Variants in LUZP2 observed in about 807,000 individuals in gnomAD.
LUZP2 encodes the protein leucine zipper protein 2.
A neutral mutation model predicts 51.6 loss-of-function variants in LUZP2; 52 were observed. The ratio of observed to expected loss-of-function variants is 1.01; its 90% CI spans 0.81 to 1.27. The LOEUF is 1.27. Among genes scored for constraint, LUZP2 ranks in the 50% most tolerant of loss-of-function variants. The probability of loss-of-function intolerance (pLI) is 0.00; values close to 1 mark genes in which losing one functional copy is unlikely to be tolerated. For missense variants in LUZP2, 436 were observed against 395.4 expected, an observed-to-expected ratio of 1.10 and a Z score of -0.87; for synonymous variants, 154 against 137.3, an observed-to-expected ratio of 1.12 and a Z score of -0.85.
At chr11:24,652,187 C>T (rs969007979) in intron 1 of LUZP2, among the ~76,000 whole-genome samples, 2 of 152,094 alleles carry the variant, frequency 1.3e-5, no homozygotes, top group East Asian at 1.9e-4. Flanking sequence ...AGTACTTTAC[C>T]TGCAAAGAAG....
chr11:24,887,552 A>T (rs1852710184), intron 5 of LUZP2, among the ~76,000 whole-genome samples: 1 of 152,284 alleles, frequency 6.6e-6, no homozygotes. Context: ...CCTGTAAGTT[A>T]TTATCTCTGG....
At chr11:24,626,529 A>C (rs1421693233) in intron 1 of LUZP2, among the ~76,000 whole-genome samples, 2 of 152,192 alleles carry the variant, frequency 1.3e-5, no homozygotes, top group Admixed American at 6.5e-5. Flanking sequence ...GACTTTCATC[A>C]ATGACAAGGT....
At chr11:24,995,463 G>A (rs989159161) in intron 9 of LUZP2, among the ~76,000 whole-genome samples, 1 of 152,086 alleles carries the variant, frequency 6.6e-6, no homozygotes, top group Non-Finnish European at 1.5e-5. Flanking sequence ...GCTCTTTTAA[G>A]GGGACTCATA....
chr11:24,721,312 A>ATC (rs1858261653), intron 1 of LUZP2, among the ~76,000 whole-genome samples: 1 of 151,162 alleles, frequency 6.6e-6, no homozygotes, highest in African/African-American at 2.4e-5. Flanking sequence ...AAGAAACTAG[A>ATC]AAGGGAACAT....
At chr11:25,039,553 G>A (rs1347744238) in intron 9 of LUZP2, among the ~76,000 whole-genome samples, 8 of 152,202 alleles carry the variant, frequency 5.3e-5, no homozygotes, top group East Asian at 3.9e-4. Context: ...CAACTCTGCC[G>A]GAGCTGACCC....
intron 1 of LUZP2, among the ~76,000 whole-genome samples, chr11:24,574,177 C>A (rs1852532757): frequency 7.7e-6 from 1 of 129,240 alleles, no homozygotes; most frequent in East Asian, 2.3e-4. Flanking sequence ...TTCTTTCTTT[C>A]TTTCTTTTCT....
chr11:24,969,641 T>C (rs1197331083), intron 7 of LUZP2, among the ~76,000 whole-genome samples: 2 of 152,166 alleles, frequency 1.3e-5, no homozygotes, highest in East Asian at 1.9e-4. Flanking sequence ...TCAGTAAATA[T>C]CTTCTAGTTT....
At chr11:24,791,454 T>C (rs1478356824) in intron 5 of LUZP2, among the ~76,000 whole-genome samples, 1 of 152,194 alleles carries the variant, frequency 6.6e-6, no homozygotes, top group Non-Finnish European at 1.5e-5. Context: ...ATGTACATGA[T>C]AATTTGTAGG....
intron 9 of LUZP2, among the ~76,000 whole-genome samples, chr11:25,002,702 C>A (rs183173125): frequency 6.6e-6 from 1 of 152,134 alleles, no homozygotes; most frequent in Non-Finnish European, 1.5e-5. Context: ...GGTTGTCCCA[C>A]GAGTATGAGT....
At chr11:24,691,237 T>A (rs1183313595) in intron 1 of LUZP2, among the ~76,000 whole-genome samples, 1 of 151,984 alleles carries the variant, frequency 6.6e-6, no homozygotes, top group Non-Finnish European at 1.5e-5. Context: ...TCAGTCAAAA[T>A]TGTAGAGAAG....
chr11:24,617,685 G>C (rs1261035810), intron 1 of LUZP2, among the ~76,000 whole-genome samples: 1 of 152,008 alleles, frequency 6.6e-6, no homozygotes, highest in Non-Finnish European at 1.5e-5. Flanking sequence ...GCTGGGCATA[G>C]TGGAGGGCAC....
chr11:24,868,210 C>T (rs1851953484), intron 5 of LUZP2, among the ~76,000 whole-genome samples: 1 of 90,868 alleles, frequency 1.1e-5, no homozygotes, highest in South Asian at 5.3e-4. Context: ...CTATCCTCTC[C>T]TTCCTTTCCT....
At chr11:24,969,901 C>A (rs1384150175) in intron 7 of LUZP2, among the ~76,000 whole-genome samples, 1 of 152,058 alleles carries the variant, frequency 6.6e-6, no homozygotes, top group Non-Finnish European at 1.5e-5. Context: ...TTGGTGGGAA[C>A]ACACACATGC....
intron 1 of LUZP2, among the ~76,000 whole-genome samples, chr11:24,561,701 T>A (rs1193122569): frequency 6.6e-6 from 1 of 151,744 alleles, no homozygotes; most frequent in Non-Finnish European, 1.5e-5. Context: ...AGGGATAGCA[T>A]TAGGAGAAAT....
At chr11:25,077,882 C>A (rs1025129655) in intron 11 of LUZP2, among the ~76,000 whole-genome samples, 4 of 152,094 alleles carry the variant, frequency 2.6e-5, no homozygotes, top group African/African-American at 9.7e-5. Context: ...AGCCATGGTG[C>A]CCCTGGGCTT....
At chr11:24,966,839 T>C (rs542685358) in intron 7 of LUZP2, among the ~76,000 whole-genome samples, 147 of 147,470 alleles carry the variant, frequency 1.0e-3, no homozygotes, top group African/African-American at 3.4e-3. Flanking sequence ...ATGTATACAT[T>C]ATATAATGGA....
intron 7 of LUZP2, among the ~76,000 whole-genome samples, chr11:24,975,024 C>G (rs1315355292): frequency 6.6e-6 from 1 of 151,982 alleles, no homozygotes; most frequent in Non-Finnish European, 1.5e-5. Context: ...TATCCACCAG[C>G]AGTTTGACTG....
intron 5 of LUZP2, among the ~76,000 whole-genome samples, chr11:24,799,446 A>G (rs946599042): frequency 1.3e-5 from 2 of 152,018 alleles, no homozygotes; most frequent in African/African-American, 4.8e-5. Flanking sequence ...AAATACAAAA[A>G]TTAGCCAGGT....
At chr11:24,617,826 C>T (rs1854340189) in intron 1 of LUZP2, among the ~76,000 whole-genome samples, 3 of 151,024 alleles carry the variant, frequency 2.0e-5, no homozygotes, top group South Asian at 4.2e-4. Context: ...ACTCTGCCTC[C>T]AAAAATAGTA....
Sources: gnomAD v4.1 joint callset for allele counts (sites outside exome capture counted in the v4.1 genomes callset) on GRCh38, gnomAD v4.1.1 for gene constraint, MANE v1.5 for transcripts, NCBI Gene and HGNC (gene_info 2026-07-23, HGNC 2026-07-21) for gene names.